Variants in EPHA3 observed in about 807,000 individuals in gnomAD.
The protein encoded by EPHA3 is EPH receptor A3.
Under a neutral mutation model 107.1 loss-of-function variants are expected in EPHA3, and 42 were observed. The ratio of observed to expected loss-of-function variants is 0.39; its 90% CI spans 0.31 to 0.51. The LOEUF is 0.51. Among genes scored for constraint, EPHA3 ranks in the 20% least tolerant of loss-of-function variants. The probability of loss-of-function intolerance (pLI) is 0.78; values close to 1 mark genes in which losing one functional copy is unlikely to be tolerated. For synonymous variants in EPHA3, 461 were observed against 424.8 expected (o/e 1.09, Z -1.05); for missense variants, 1,183 against 1,211.2 (o/e 0.98, Z 0.35).
intron 3 of EPHA3, among the ~76,000 whole-genome samples, chr3:89,313,946 AT>A (rs1019873241): frequency 1.3e-5 from 2 of 151,958 alleles, no homozygotes; most frequent in African/African-American, 4.8e-5. Context: ...TTAAAATTTG[AT>A]TTTTTTAGTG....
chr3:89,324,112 G>T (rs536991417), intron 3 of EPHA3, among the ~76,000 whole-genome samples: 1 of 149,518 alleles, frequency 6.7e-6, no homozygotes, highest in African/African-American at 2.4e-5. Flanking sequence ...TCAAAAAATA[G>T]GAATAGTTCC....
At chr3:89,271,256 G>T (rs1470297881) in intron 3 of EPHA3, among the ~76,000 whole-genome samples, 4 of 151,814 alleles carry the variant, frequency 2.6e-5, no homozygotes, top group Non-Finnish European at 5.9e-5. Context: ...GAAACCACAA[G>T]AAAAGCCGAA....
At chr3:89,343,510 A>T (rs1707579277) in intron 5 of EPHA3, among the ~76,000 whole-genome samples, 1 of 152,180 alleles carries the variant, frequency 6.6e-6, no homozygotes, top group Non-Finnish European at 1.5e-5. Context: ...TTTGCATAAG[A>T]GGGGTATACA....
At chr3:89,329,150 T>A (rs1048259713) in intron 3 of EPHA3, among the ~76,000 whole-genome samples, 3 of 152,138 alleles carry the variant, frequency 2.0e-5, no homozygotes, top group African/African-American at 4.8e-5. Context: ...TATGTAATTA[T>A]CTCTACTAAG....
At chr3:89,181,753 G>A (rs1206056514) in intron 2 of EPHA3, among the ~76,000 whole-genome samples, 2 of 151,992 alleles carry the variant, frequency 1.3e-5, no homozygotes, top group African/African-American at 4.8e-5. Flanking sequence ...TGTGGCAGCA[G>A]ATCGTTAAAT....
At chr3:89,143,855 A>G (rs892567839) in intron 2 of EPHA3, among the ~76,000 whole-genome samples, 4 of 151,534 alleles carry the variant, frequency 2.6e-5, no homozygotes, top group Non-Finnish European at 5.9e-5. Flanking sequence ...TTTTCTATTT[A>G]TAGTCAATAA....
At chr3:89,267,707 T>A (rs538892908) in intron 3 of EPHA3, among the ~76,000 whole-genome samples, 47 of 152,274 alleles carry the variant, frequency 3.1e-4, no homozygotes, top group Admixed American at 6.5e-4. Context: ...ACAAAGTCAA[T>A]CTTTGGTTTA....
chr3:89,362,731 G>A (rs1436599332), intron 5 of EPHA3, among the ~76,000 whole-genome samples: 1 of 150,926 alleles, frequency 6.6e-6, no homozygotes, highest in Non-Finnish European at 1.5e-5. Context: ...GTACAACATG[G>A]GATGAGTGGC....
intron 2 of EPHA3, among the ~76,000 whole-genome samples, chr3:89,152,886 T>C (rs1704719252): frequency 6.6e-6 from 1 of 152,092 alleles, no homozygotes; most frequent in Non-Finnish European, 1.5e-5. Flanking sequence ...ATTAGTTTGG[T>C]AAATTTAGAA....
At chr3:89,239,602 T>C (rs1376667596) in intron 3 of EPHA3, among the ~76,000 whole-genome samples, 4 of 152,208 alleles carry the variant, frequency 2.6e-5, no homozygotes, top group Non-Finnish European at 5.9e-5. Flanking sequence ...TTTTAAAAAA[T>C]CAACTAGGCT....
intron 13 of EPHA3, among the ~76,000 whole-genome samples, chr3:89,431,991 C>T (rs1219944740): frequency 6.6e-6 from 1 of 152,050 alleles, no homozygotes; most frequent in Non-Finnish European, 1.5e-5. Context: ...ATTTCATTGT[C>T]AATAAATAAT....
At chr3:89,138,417 A>G (rs559142281) in intron 2 of EPHA3, among the ~76,000 whole-genome samples, 118 of 152,092 alleles carry the variant, frequency 7.8e-4, no homozygotes, top group Non-Finnish European at 1.5e-3. Flanking sequence ...ACTAAAACCC[A>G]AAAACTAAAT....
chr3:89,448,791 A>G (rs147093449), intron 13 of EPHA3, among the ~76,000 whole-genome samples: 11 of 152,232 alleles, frequency 7.2e-5, no homozygotes, highest in African/African-American at 2.4e-4. Flanking sequence ...AGTTCTTTAC[A>G]AATACTGACT....
At chr3:89,135,486 C>T (rs1016059526) in intron 2 of EPHA3, among the ~76,000 whole-genome samples, 24 of 151,916 alleles carry the variant, frequency 1.6e-4, no homozygotes, top group Admixed American at 1.2e-3. Context: ...AAGAGCTTTC[C>T]CAAATAAGAG....
In EPHA3 at chr3:89,481,567, A is replaced by C. The variant is rs563279782; in HGVS notation, c.*2065A>C. 9 of 232,634 alleles carry C rather than the reference A, an allele frequency of 3.9e-5. No individual in the cohort carries two copies. In the East Asian group the frequency reaches 5.5e-4, roughly 14 times the overall value. The allele number at this position is 232,634 out of a possible 1,614,324, so 14.4% of individuals were successfully genotyped here. A position where few individuals can be genotyped will look rare whatever the true frequency, so the allele number is the denominator to read the frequency against. On this transcript the variant is annotated 3_prime_UTR_variant, in exon 17 of 17. Coordinates refer to ENST00000336596, the MANE Select transcript of EPHA3 (RefSeq NM_005233.6). ...ATACTCAACAAAACCCATGCATTTC[A>C]TAAACTAATAGAAGTTGAGGATTGT...
chr3:89,162,623 G>T (rs1231613108), intron 2 of EPHA3, among the ~76,000 whole-genome samples: 2 of 152,102 alleles, frequency 1.3e-5, no homozygotes, highest in Admixed American at 6.6e-5. Context: ...GAGTGCCTTT[G>T]GGATTCAAAC....
At chr3:89,345,059 T>C (rs756956336) in intron 5 of EPHA3, among the ~76,000 whole-genome samples, 2 of 151,186 alleles carry the variant, frequency 1.3e-5, no homozygotes, top group Admixed American at 6.6e-5. Context: ...AGAATGAGTA[T>C]ATTCATCTTT....
chr3:89,324,508 TA>T (rs1321735624), intron 3 of EPHA3, among the ~76,000 whole-genome samples: 1 of 151,812 alleles, frequency 6.6e-6, no homozygotes, highest in African/African-American at 2.4e-5. Flanking sequence ...TTATTTTTTT[TA>T]TTTTTTATTT....
In EPHA3 at chr3:89,429,287, TG is replaced by T. The variant is rs1271137114; in HGVS notation, c.2136+121del. On this transcript the variant is annotated intron_variant, in intron 12 of 16. Transcript: ENST00000336596. ...AGTTTAAAGTAAAACTGAAATCTTCTGAGGCTAAATAGACAGAGAAGGGCTG... is the reference window on the plus strand; with the variant it reads ...AGTTTAAAGTAAAACTGAAATCTTCTAGGCTAAATAGACAGAGAAGGGCTG... 7.5e-6 allele frequency: 5 copies of T among 671,062 alleles called. No homozygotes were observed. In the African/African-American group the frequency reaches 9.0e-5, roughly 12 times the overall value. The allele number at this position is 671,062 out of a possible 1,614,324, so 41.6% of individuals were successfully genotyped here.
Sources: gnomAD v4.1 joint callset for allele counts (sites outside exome capture counted in the v4.1 genomes callset) on GRCh38, gnomAD v4.1.1 for gene constraint, MANE v1.5 for transcripts, NCBI Gene and HGNC (gene_info 2026-07-23, HGNC 2026-07-21) for gene names.